UNC79: variants seen among roughly 807,000 people sequenced by gnomAD.
UNC79 encodes unc-79 subunit of NALCN channel complex.
Under a neutral mutation model 283.1 loss-of-function variants are expected in UNC79, and 37 were observed. The observed-to-expected ratio is 0.13, with a 90% CI of 0.10 to 0.17. The LOEUF is 0.17. Among genes scored for constraint, UNC79 ranks in the 10% least tolerant of loss-of-function variants. UNC79 has a pLI of 1.00. For missense variants in UNC79, 2,272 were observed against 3,211.1 expected (o/e 0.71, Z 7.07); for synonymous variants, 1,107 against 1,200.2 (o/e 0.92, Z 1.61).
chr14:93,519,745 A>G (rs1334691583), intron 7 of UNC79, among the ~76,000 whole-genome samples: 1 of 151,804 alleles, frequency 6.6e-6, no homozygotes, highest in Non-Finnish European at 1.5e-5. Context: ...GGTTTATAAT[A>G]TGCACTTTTA....
At chr14:93,480,653 CAT>C (rs1272149180) in intron 4 of UNC79, among the ~76,000 whole-genome samples, 2 of 152,132 alleles carry the variant, frequency 1.3e-5, no homozygotes, top group African/African-American at 2.4e-5. Context: ...TATACAAAGA[CAT>C]AGATCCAAAA....
At chr14:93,683,860 A>C (rs1016956849) in intron 42 of UNC79, among the ~76,000 whole-genome samples, 2 of 150,522 alleles carry the variant, frequency 1.3e-5, no homozygotes, top group African/African-American at 2.5e-5. Context: ...AAAAAAAAAC[A>C]CACACTTCAT....
chr14:93,577,771 C>T, intron 17 of UNC79, 71 bp from the exon 18 acceptor site: 1 of 1,481,538 alleles, frequency 6.7e-7, no homozygotes, highest in Non-Finnish European at 9.3e-7. Context: ...TCCATAGAGT[C>T]CCCGAATATT....
At chr14:93,539,596 T>G (rs970251243) in intron 12 of UNC79, among the ~76,000 whole-genome samples, 5 of 152,084 alleles carry the variant, frequency 3.3e-5, no homozygotes, top group Admixed American at 2.6e-4. Context: ...CTTTTCTGTT[T>G]CTCTTATCCC....
chr14:93,703,635 A>T (rs2075684955), intron 47 of UNC79, among the ~76,000 whole-genome samples: 2 of 152,240 alleles, frequency 1.3e-5, no homozygotes. Flanking sequence ...GGACCTCAAT[A>T]TAGATTTTAA....
At position 93,697,622 on chromosome 14, in the gene UNC79, G is replaced by C. The variant is rs550398183; in HGVS notation, c.7548+3210G>C. ...GTCAATTTCTACAAAAAGATTGTTAGGGGGTGGACACAGTGGCTCATGCCT... is the reference window on the plus strand; with the variant it reads ...GTCAATTTCTACAAAAAGATTGTTACGGGGTGGACACAGTGGCTCATGCCT... On this transcript the variant is annotated intron_variant, in intron 47 of 48. Coordinates refer to ENST00000555664, the Ensembl canonical transcript of UNC79. Among the ~76,000 whole-genome samples, 5 of 152,196 alleles carry C rather than the reference G, an allele frequency of 3.3e-5. No homozygotes were observed. In the South Asian group the frequency reaches 1.0e-3, roughly 32 times the overall value.
At chr14:93,472,611 A>G (rs1028067712) in intron 2 of UNC79, among the ~76,000 whole-genome samples, 2 of 152,126 alleles carry the variant, frequency 1.3e-5, no homozygotes, top group African/African-American at 2.4e-5. Flanking sequence ...AGGCACATGG[A>G]AAATACAAAG....
At chr14:93,413,146 T>C (rs944846437) in intron 1 of UNC79, among the ~76,000 whole-genome samples, 1 of 151,706 alleles carries the variant, frequency 6.6e-6, no homozygotes, top group Non-Finnish European at 1.5e-5. Flanking sequence ...ACTCATCATT[T>C]AGCATTAGGT....
In UNC79 at chr14:93,341,712, T is replaced by C. The variant is rs146583206; in HGVS notation, c.-351+8189T>C. Among the ~76,000 whole-genome samples, 19 of 151,960 alleles carry C rather than the reference T, an allele frequency of 1.3e-4. No homozygotes were observed. In the East Asian group the frequency reaches 3.5e-3, roughly 28 times the overall value. On this transcript the variant is annotated intron_variant, in intron 1 of 49. Coordinates refer to the UNC79 transcript ENST00000256339. ...TTGCTTGGATCCAGGAGTTCAAGGC[T>C]GCAGTGAATGTAAACCAAAAATAAA...
At chr14:93,535,213 T>C (rs1418853027) in intron 11 of UNC79, among the ~76,000 whole-genome samples, 8 of 152,238 alleles carry the variant, frequency 5.3e-5, no homozygotes, top group Non-Finnish European at 1.0e-4. Context: ...CTCTCTAGTT[T>C]AGTTTGGAAA....
At chr14:93,491,092 G>A (rs1329109511) in intron 5 of UNC79, among the ~76,000 whole-genome samples, 1 of 152,156 alleles carries the variant, frequency 6.6e-6, no homozygotes, top group Non-Finnish European at 1.5e-5. Context: ...ATGAATGGCT[G>A]TCGTTCTGCT....
At chr14:93,448,567 G>T (rs893181578) in intron 1 of UNC79, among the ~76,000 whole-genome samples, 7 of 152,092 alleles carry the variant, frequency 4.6e-5, no homozygotes. Flanking sequence ...TTCTTCTTAT[G>T]TTGGGTCATT....
chr14:93,606,652 C>T (rs2065907948), intron 26 of UNC79, among the ~76,000 whole-genome samples: 2 of 151,478 alleles, frequency 1.3e-5, no homozygotes, highest in African/African-American at 4.9e-5. Context: ...GCAGATTCCC[C>T]TTTATACAAC....
At chr14:93,351,041 T>A (rs1461508405) in intron 1 of UNC79, among the ~76,000 whole-genome samples, 1 of 151,908 alleles carries the variant, frequency 6.6e-6, no homozygotes, top group Non-Finnish European at 1.5e-5. Context: ...AGACTCTGTG[T>A]CTGATTAAAT....
chr14:93,476,536 T>C (rs1394080829), intron 3 of UNC79, among the ~76,000 whole-genome samples: 3 of 152,202 alleles, frequency 2.0e-5, no homozygotes, highest in Admixed American at 6.5e-5. Flanking sequence ...TTTCTGTTGT[T>C]AGCTGATGTG....
At chr14:93,355,212 G>T (rs2054061697) in intron 1 of UNC79, among the ~76,000 whole-genome samples, 1 of 150,014 alleles carries the variant, frequency 6.7e-6, no homozygotes, top group South Asian at 2.1e-4. Flanking sequence ...TTTTCCCCCT[G>T]AGACAGAGTT....
chr14:93,582,034 C>G (rs895242078), intron 19 of UNC79, among the ~76,000 whole-genome samples, 169 bp from the exon 20 acceptor site: 1 of 152,222 alleles, frequency 6.6e-6, no homozygotes, highest in South Asian at 2.1e-4. Flanking sequence ...TTTCACTGTT[C>G]CAGCAATAAG....
chr14:93,618,195 C>A, exon 29 of UNC79: 2 of 1,612,452 alleles, frequency 1.2e-6, no homozygotes, highest in Non-Finnish European at 1.7e-6. Flanking sequence ...TGGGCAGTAT[C>A]CATACCGAGA....
intron 41 of UNC79, among the ~76,000 whole-genome samples, chr14:93,678,673 T>A (rs2073567266): frequency 6.6e-6 from 1 of 152,240 alleles, no homozygotes; most frequent in South Asian, 2.1e-4. Flanking sequence ...CCTGGCATCA[T>A]GGGGAATTCC....
Sources: gnomAD v4.1 joint callset for allele counts (sites outside exome capture counted in the v4.1 genomes callset) on GRCh38, gnomAD v4.1.1 for gene constraint, MANE v1.5 for transcripts, NCBI Gene and HGNC (gene_info 2026-07-23, HGNC 2026-07-21) for gene names.